Variants in VAC14 observed in about 807,000 individuals in gnomAD.
The protein encoded by VAC14 is VAC14 component of PIKFYVE complex, also known as protein VAC14 homolog.
Under a neutral mutation model 85.3 loss-of-function variants are expected in VAC14, and 47 were observed. That is an observed-to-expected ratio of 0.55 (90% CI 0.44 to 0.70). VAC14 has a LOEUF of 0.70. Ranked by LOEUF, VAC14 falls within the 30% of genes least tolerant of loss-of-function variation. VAC14 has a pLI of 0.00. For synonymous variants in VAC14, 447 were observed against 430.5 expected (o/e 1.04, Z -0.47); for missense variants, 861 against 1,004.3 (o/e 0.86, Z 1.93).
At chr16:70,719,631 T>A (rs2054240796) in intron 14 of VAC14, among the ~76,000 whole-genome samples, 1 of 152,222 alleles carries the variant, frequency 6.6e-6, no homozygotes, top group African/African-American at 2.4e-5. Context: ...TTGTTCAACT[T>A]CATTAGTCTT....
At chr16:70,796,142 A>G (rs2034535932) in intron 1 of VAC14, among the ~76,000 whole-genome samples, 1 of 152,180 alleles carries the variant, frequency 6.6e-6, no homozygotes, top group Admixed American at 6.5e-5. Flanking sequence ...TCCTGTGGGA[A>G]TAAGGTTGTA....
intron 1 of VAC14, among the ~76,000 whole-genome samples, chr16:70,789,833 A>G (rs1316604199): frequency 6.6e-6 from 1 of 152,204 alleles, no homozygotes; most frequent in African/African-American, 2.4e-5. Flanking sequence ...CCAGGAAGCC[A>G]GGACATGTTT....
chr16:70,704,562 G>C (rs979898719), intron 14 of VAC14, among the ~76,000 whole-genome samples: 1 of 152,232 alleles, frequency 6.6e-6, no homozygotes, highest in Non-Finnish European at 1.5e-5. Context: ...GGGTGCAGCT[G>C]GCTGTGGCCA....
intron 13 of VAC14, among the ~76,000 whole-genome samples, chr16:70,739,992 G>A (rs560012792): frequency 2.6e-5 from 4 of 152,126 alleles, no homozygotes; most frequent in Non-Finnish European, 4.4e-5. Flanking sequence ...ATGTAGTCTC[G>A]CTCTGTTGCC....
At chr16:70,749,375 C>T (rs2143016645) in intron 12 of VAC14, among the ~76,000 whole-genome samples, 1 of 152,370 alleles carries the variant, frequency 6.6e-6, no homozygotes, top group Non-Finnish European at 1.5e-5. Flanking sequence ...GAAAGTTTAA[C>T]ACCAAATGGC....
chr16:70,752,564 G>A (rs1275402664), intron 12 of VAC14, among the ~76,000 whole-genome samples: 1 of 152,228 alleles, frequency 6.6e-6, no homozygotes, highest in East Asian at 1.9e-4. Flanking sequence ...CGAGAGTGGT[G>A]CCCACTCATA....
At chr16:70,695,292 T>A (rs2053684387) in intron 17 of VAC14, among the ~76,000 whole-genome samples, 1 of 152,070 alleles carries the variant, frequency 6.6e-6, no homozygotes, top group African/African-American at 2.4e-5. Flanking sequence ...TTAAAAAATT[T>A]TGTGCAGATG....
chr16:70,730,501 C>A (rs770704497), intron 14 of VAC14, among the ~76,000 whole-genome samples: 2 of 151,516 alleles, frequency 1.3e-5, no homozygotes, highest in African/African-American at 2.4e-5. Flanking sequence ...CCATGGTAGT[C>A]GGTAGTCTAC....
intron 9 of VAC14, among the ~76,000 whole-genome samples, chr16:70,773,470 T>A (rs2033350904): frequency 6.6e-6 from 1 of 152,210 alleles, no homozygotes; most frequent in Non-Finnish European, 1.5e-5. Context: ...AGAGCCAAGA[T>A]GTTCTAGATC....
chr16:70,693,546 C>T (rs1296401149), intron 17 of VAC14, among the ~76,000 whole-genome samples: 6 of 152,188 alleles, frequency 3.9e-5, no homozygotes, highest in African/African-American at 4.8e-5. Context: ...TCTGGGGCTC[C>T]GGCTCACATG....
At position 70,784,042 on chromosome 16, in the gene VAC14, T is replaced by G. The variant is rs527990518; in HGVS notation, c.594+71A>C. Reference sequence around the variant, plus strand: ...GGAGGGTTCCTATAGCCAAAGGGCCTGACAAGAGTGTGCTAGAGAGCAGAT... The same window carrying G: ...GGAGGGTTCCTATAGCCAAAGGGCCGGACAAGAGTGTGCTAGAGAGCAGAT... On this transcript the variant is annotated intron_variant, in intron 5 of 18. Transcript: ENST00000261776. 5.4e-6 allele frequency: 7 copies of G among 1,288,542 alleles called. No individual in the cohort carries two copies. The South Asian group carries it at 8.4e-5, about 16-fold the overall frequency. 79.8% of individuals were successfully genotyped at this position (1,288,542 alleles called of 1,614,324 possible).
intron 18 of VAC14, chr16:70,690,786 A>G: frequency 1.0e-6 from 1 of 985,318 alleles, no homozygotes; most frequent in Non-Finnish European, 1.2e-6. Context: ...CCCCTCCCCC[A>G]GCTGTTCTGA....
At chr16:70,724,737 AT>A (rs1446429453) in intron 14 of VAC14, among the ~76,000 whole-genome samples, 1 of 152,228 alleles carries the variant, frequency 6.6e-6, no homozygotes, top group Non-Finnish European at 1.5e-5. Flanking sequence ...GCTCCAGAAG[AT>A]TCACACAAGG....
intron 17 of VAC14, among the ~76,000 whole-genome samples, chr16:70,693,655 T>C (rs985800346): frequency 1.3e-5 from 2 of 152,200 alleles, no homozygotes; most frequent in South Asian, 2.1e-4. Flanking sequence ...CGCTGGTGGC[T>C]GGCTGTACCA....
chr16:70,739,908 T>C (rs995361754), intron 13 of VAC14, among the ~76,000 whole-genome samples: 1 of 152,190 alleles, frequency 6.6e-6, no homozygotes, highest in Admixed American at 6.5e-5. Context: ...GAGCCAGGGA[T>C]AAAAACACCT....
At chr16:70,710,988 A>G (rs1052399642) in intron 14 of VAC14, among the ~76,000 whole-genome samples, 2 of 152,228 alleles carry the variant, frequency 1.3e-5, no homozygotes, top group Non-Finnish European at 2.9e-5. Flanking sequence ...GGGCACCTCG[A>G]GTGCTCTGCC....
At chr16:70,691,393 C>T (rs1182583415) in intron 18 of VAC14, 1 of 985,346 alleles carries the variant, frequency 1.0e-6, no homozygotes, top group East Asian at 1.1e-4. Context: ...GCCAGGTTGA[C>T]CCTAACACTA....
intron 16 of VAC14, chr16:70,695,887 C>T (rs1279135357): frequency 5.6e-6 from 2 of 359,750 alleles, no homozygotes; most frequent in African/African-American, 2.0e-5. Context: ...GCTCTTATCA[C>T]AGCGCTGCAG....
chr16:70,762,661 G>T lies in VAC14; in HGVS notation c.1306-56C>A. The T allele has an allele frequency of 2.5e-6, 4 of 1,578,510 alleles. No individual in the cohort carries two copies. In the South Asian group the frequency reaches 3.4e-5, roughly 13 times the overall value. On this transcript the variant is annotated intron_variant, in intron 11 of 18. Transcript: ENST00000261776. The surrounding 1 kb of genome is among the most constrained non-coding windows in gnomAD (Gnocchi z 4.1). ...AGTGCTCCCTTCGCCCCGGGACTACGTGCAGTGCAGTGTCCCGCTGGTGTG... is the reference window on the plus strand; with the variant it reads ...AGTGCTCCCTTCGCCCCGGGACTACTTGCAGTGCAGTGTCCCGCTGGTGTG...
Sources: allele counts gnomAD v4.1 joint callset (sites outside exome capture counted in the v4.1 genomes callset), GRCh38; gene constraint gnomAD v4.1.1; non-coding constraint Gnocchi (gnomAD v3.1); transcripts MANE v1.5; gene names NCBI Gene and HGNC (gene_info 2026-07-23, HGNC 2026-07-21).